RBM25: variants seen among roughly 807,000 people sequenced by gnomAD.
The protein encoded by RBM25 is RNA binding motif protein 25.
In RBM25, 19 loss-of-function variants were observed where a neutral mutation model predicts 120.7. The observed-to-expected ratio is 0.16, with a 90% confidence interval of 0.11 to 0.23. The LOEUF (loss-of-function observed/expected upper bound fraction) is 0.23, where lower values mean the gene tolerates loss of function less well. Ranked by LOEUF, RBM25 falls within the 10% of genes least tolerant of loss-of-function variation. The pLI is 1.00. For missense variants in RBM25, 605 were observed against 1,041.5 expected (o/e 0.58, Z 5.77); for synonymous variants, 390 against 326.7 (o/e 1.19, Z -2.09).
chr14:73,097,390 G>A (rs1895971260), intron 7 of RBM25, among the ~76,000 whole-genome samples: 3 of 151,764 alleles, frequency 2.0e-5, no homozygotes, highest in African/African-American at 2.4e-5. Context: ...TAGTAGAGAC[G>A]GGGTTTCACC....
At position 73,082,516 on chromosome 14, in the gene RBM25, C is replaced by T. The variant is rs371395105; in HGVS notation, c.325-978C>T. Among the ~76,000 whole-genome samples, 43 of 152,172 alleles carry T rather than the reference C, an allele frequency of 2.8e-4. No homozygotes were observed. The East Asian group carries it at 7.3e-3, about 26-fold the overall frequency. ...ATGTTGCCCAGGCTGGTCTTGAACT[C>T]CTGGGCTCAAGCAATCCTTCCACAT... On this transcript the variant is annotated intron_variant, in intron 4 of 18. Coordinates refer to ENST00000261973, the MANE Select transcript of RBM25 (RefSeq NM_021239.3).
intron 10 of RBM25, 109 bp from the exon 11 acceptor site, chr14:73,105,750 T>C: frequency 6.7e-7 from 1 of 1,487,864 alleles, no homozygotes; most frequent in Non-Finnish European, 9.0e-7. Flanking sequence ...TGCTAGATTC[T>C]GGCCTGTGAG....
chr14:73,106,935 C>T (rs1019974548), intron 12 of RBM25, among the ~76,000 whole-genome samples: 1 of 151,220 alleles, frequency 6.6e-6, no homozygotes, highest in African/African-American at 2.4e-5. Flanking sequence ...CAGGTTCAAG[C>T]GATAAGCGAT....
intron 1 of RBM25, among the ~76,000 whole-genome samples, chr14:73,066,968 G>A (rs1183415631): frequency 1.3e-5 from 2 of 152,082 alleles, no homozygotes; most frequent in East Asian, 3.8e-4. Flanking sequence ...CAATGATGAG[G>A]ATATGAGGAA....
rs900993052 is a variant in RBM25, at chr14:73,110,928, G to A, written c.1790G>A (p.Arg597Gln). The A allele has an allele frequency of 5.6e-6, 9 of 1,611,790 alleles. No homozygotes were observed. The highest frequency in any genetic ancestry group is 3.4e-5 in the Admixed American group (2 of 59,454). Residue 597 changes from arginine (R) to glutamine (Q), a missense_variant, in exon 15 of 19, where the codon CGA becomes CAA. Coordinates refer to ENST00000261973, the MANE Select transcript of RBM25 (RefSeq NM_021239.3). Reference sequence around the variant, plus strand: ...GAAAAGCAAGAAAAAGAAGAAAAACGAGAAGAACCCATGGAAGAGGAAGAG... The same window carrying A: ...GAAAAGCAAGAAAAAGAAGAAAAACAAGAAGAACCCATGGAAGAGGAAGAG... Reference protein sequence around the residue: ...EEEKQEKEEKREEPMEEEEEP... With the variant: ...EEEKQEKEEKQEEPMEEEEEP...
intron 5 of RBM25, 71 bp from the exon 6 acceptor site, chr14:73,087,930 C>G: frequency 6.8e-7 from 1 of 1,478,926 alleles, no homozygotes; most frequent in Non-Finnish European, 9.2e-7. Context: ...TCTAGTGATT[C>G]TACTTTTCCA....
chr14:73,070,198 C>T lies in RBM25; in HGVS notation c.-15-1429C>T, dbSNP rs1381356667. Among the ~76,000 whole-genome samples the T allele has an allele frequency of 1.3e-5, 2 of 151,812 alleles. 1 individual carries two copies. Among genetic ancestry groups the T allele is most frequent in the African/African-American group, 4.8e-5 (2 of 41,326 alleles). Reference sequence around the variant, plus strand: ...GAGTAGCTGGGATTACAGGCGCACACCACCATACCCTGCTAATTTTTTTTT... The same window carrying T: ...GAGTAGCTGGGATTACAGGCGCACATCACCATACCCTGCTAATTTTTTTTT... On this transcript the variant is annotated intron_variant, in intron 1 of 18. Coordinates refer to ENST00000261973, the MANE Select transcript of RBM25 (RefSeq NM_021239.3).
At chr14:73,109,745 A>T (rs886666032) in intron 14 of RBM25, among the ~76,000 whole-genome samples, 3 of 151,970 alleles carry the variant, frequency 2.0e-5, no homozygotes, top group African/African-American at 7.2e-5. Context: ...GTGAGCCGAG[A>T]TCGCGCCACT....
intron 18 of RBM25, among the ~76,000 whole-genome samples, chr14:73,117,499 G>A (rs1896460698): frequency 6.6e-6 from 1 of 151,978 alleles, no homozygotes; most frequent in Non-Finnish European, 1.5e-5. Context: ...CCAAAGTGCT[G>A]GGATTACAGG....
intron 4 of RBM25, among the ~76,000 whole-genome samples, chr14:73,079,750 G>C (rs572667910): frequency 1.3e-5 from 2 of 150,856 alleles, no homozygotes; most frequent in South Asian, 4.2e-4. Context: ...TGGGCACTCT[G>C]TAAGTTTTAA....
At position 73,122,070 on chromosome 14, in the gene RBM25, A is replaced by G. The variant is rs774028900; in HGVS notation, c.*2265A>G. On this transcript the variant is annotated 3_prime_UTR_variant, in exon 19 of 19. Transcript: ENST00000261973. ...TTGGTTGATTTTTAGAATTGTATAT[A>G]TAAAGAATTAGACATTAAACAGGCA... 2.6e-5 allele frequency: 4 copies of G among 152,228 alleles called. No individual in the cohort carries two copies. The highest frequency in any genetic ancestry group is 4.4e-5 in the Non-Finnish European group (3 of 68,038). The allele number at this position is 152,228 out of a possible 1,614,324, so 9.4% of individuals were successfully genotyped here. A position where few individuals can be genotyped will look rare whatever the true frequency, so the allele number is the denominator to read the frequency against.
chr14:73,066,182 C>T (rs1895127913), intron 1 of RBM25, among the ~76,000 whole-genome samples: 1 of 152,076 alleles, frequency 6.6e-6, no homozygotes, highest in Non-Finnish European at 1.5e-5. Context: ...AGAGATACCA[C>T]CCCCAGTTTT....
chr14:73,089,777 C>CTGCTTTGG, intron 6 of RBM25, among the ~76,000 whole-genome samples: 1 of 151,578 alleles, frequency 6.6e-6, no homozygotes, highest in East Asian at 2.0e-4. Context: ...AGTGATTCTC[C>CTGCTTTGG]CTCCTCAGCC....
chr14:73,073,171 C>T (rs1051239943), intron 2 of RBM25, among the ~76,000 whole-genome samples: 1 of 152,108 alleles, frequency 6.6e-6, no homozygotes, highest in Non-Finnish European at 1.5e-5. Flanking sequence ...TCAAGGTATA[C>T]TCCTGCCTCA....
At chr14:73,064,569 A>G (rs549810347) in intron 1 of RBM25, among the ~76,000 whole-genome samples, 1 of 150,746 alleles carries the variant, frequency 6.6e-6, no homozygotes, top group Non-Finnish European at 1.5e-5. Context: ...TAATTTTTGT[A>G]TTTTTAATAG....
At chr14:73,064,943 A>G (rs1211721883) in intron 1 of RBM25, 1 of 150,642 alleles carries the variant, frequency 6.6e-6, no homozygotes, top group Non-Finnish European at 1.5e-5. Context: ...TACCAAGAAT[A>G]TAGAGTTTTA....
At chr14:73,105,648 T>C (rs1198925609) in intron 10 of RBM25, among the ~76,000 whole-genome samples, 1 of 152,182 alleles carries the variant, frequency 6.6e-6, no homozygotes, top group Non-Finnish European at 1.5e-5. Flanking sequence ...CCAGTAAGCA[T>C]TAGGTATTAG....
intron 10 of RBM25, among the ~76,000 whole-genome samples, chr14:73,105,126 CTTT>C (rs34862161): frequency 3.1e-4 from 34 of 109,522 alleles, no homozygotes; most frequent in Admixed American, 1.1e-3. Flanking sequence ...GGTTTTATTA[CTTT>C]TTTTTTTTTT....
rs1220905077 is a variant in RBM25, at chr14:73,103,263, GAGGGAGCGTGAA to G, written c.945_956del (p.Glu319_Arg322del). The G allele has an allele frequency of 6.3e-7, 1 of 1,596,722 alleles. No homozygotes were observed. On this transcript the variant is annotated inframe_deletion, in exon 10 of 19. Coordinates refer to ENST00000261973, the MANE Select transcript of RBM25 (RefSeq NM_021239.3). ...TTGAGAAAGAACGGAGAGAAAGAGA[GAGGGAGCGTGAA>G]AGGGAACGAGAAAGGCGAGAACGGG...
Sources: allele counts gnomAD v4.1 joint callset (sites outside exome capture counted in the v4.1 genomes callset), GRCh38; gene constraint gnomAD v4.1.1; transcripts MANE v1.5; gene names NCBI Gene and HGNC (gene_info 2026-07-23, HGNC 2026-07-21).